ATG7: variants seen among roughly 807,000 people sequenced by gnomAD.
The protein encoded by ATG7 is ubiquitin-like modifier-activating enzyme ATG7.
Under a neutral mutation model 82.4 loss-of-function variants are expected in ATG7, and 70 were observed. The ratio of observed to expected loss-of-function variants is 0.85; its 90% CI spans 0.70 to 1.04. The LOEUF is 1.04. ATG7 is among the 50% of genes least tolerant of loss of function. The pLI, the probability that ATG7 is intolerant of heterozygous loss-of-function variation, is 0.00. For synonymous variants in ATG7, 287 were observed against 313.0 expected (o/e 0.92, Z 0.88); for missense variants, 792 against 864.3 (o/e 0.92, Z 1.05).
rs550495948 is a variant in ATG7 at position 11,450,064 on chromosome 3, A to C, written c.2079+23138A>C. On this transcript the variant is annotated intron_variant, in intron 20 of 20. Coordinates refer to ENST00000693202, the MANE Select transcript of ATG7 (RefSeq NM_001349232.2). Reference sequence around the variant, plus strand: ...TGGTCTGTTTCTTCTTTGGATAATAATGATGTAATGGCTAGTCTCTTGAGA... The same window carrying C: ...TGGTCTGTTTCTTCTTTGGATAATACTGATGTAATGGCTAGTCTCTTGAGA... 2.0e-5 allele frequency among the ~76,000 whole-genome samples: 3 copies of C among 152,330 alleles called. No individual in the cohort carries two copies. In the East Asian group the frequency reaches 5.8e-4, roughly 29 times the overall value.
chr3:11,524,541 T>G (rs1481316840), intron 20 of ATG7, among the ~76,000 whole-genome samples: 3 of 152,166 alleles, frequency 2.0e-5, no homozygotes, highest in African/African-American at 7.2e-5. Context: ...GGAGGATCAC[T>G]TGAGCCCAGG....
At chr3:11,412,216 G>A (rs1485990032) in intron 19 of ATG7, among the ~76,000 whole-genome samples, 1 of 150,504 alleles carries the variant, frequency 6.6e-6, no homozygotes, top group Non-Finnish European at 1.5e-5. Flanking sequence ...AGAGGGGTAA[G>A]GAAGCATCTG....
At chr3:11,283,274 T>G (rs537661369) in intron 3 of ATG7, among the ~76,000 whole-genome samples, 1 of 152,286 alleles carries the variant, frequency 6.6e-6, no homozygotes, top group East Asian at 1.9e-4. Flanking sequence ...GAGGAAATTT[T>G]CATAGTGAGC....
intron 19 of ATG7, among the ~76,000 whole-genome samples, chr3:11,395,310 G>T (rs1161084390): frequency 1.3e-5 from 2 of 152,102 alleles, no homozygotes; most frequent in Non-Finnish European, 2.9e-5. Context: ...AGAAATAATG[G>T]TTCTATAGCA....
At position 11,360,789 on chromosome 3, in the gene ATG7, G is replaced by A; in HGVS notation, c.1683+5G>A. 6.2e-7 allele frequency: 1 copy of A among 1,614,100 alleles called. No individual in the cohort carries two copies. Among genetic ancestry groups the A allele is most frequent in the African/African-American group, 1.3e-5 (1 of 75,074 alleles). On this transcript the variant is annotated splice_donor_5th_base_variant and intron_variant, in intron 16 of 20. Transcript: ENST00000693202. ...GATGTGGTGGCCCCAGGAGATGTAAGTGGATTTCTCTATAGTTCCAAATAT... is the reference window on the plus strand; with the variant it reads ...GATGTGGTGGCCCCAGGAGATGTAAATGGATTTCTCTATAGTTCCAAATAT...
chr3:11,456,467 A>G (rs984336884), intron 20 of ATG7, among the ~76,000 whole-genome samples: 2 of 152,208 alleles, frequency 1.3e-5, no homozygotes, highest in Admixed American at 6.5e-5. Flanking sequence ...TTGTTGTATG[A>G]AGTACACGTT....
intron 20 of ATG7, among the ~76,000 whole-genome samples, chr3:11,491,737 G>C (rs933703590): frequency 6.6e-6 from 1 of 152,222 alleles, no homozygotes; most frequent in Non-Finnish European, 1.5e-5. Context: ...TAGAGGTCCA[G>C]TCCAGACCCT....
At chr3:11,543,318 AG>A (rs1447240555) in intron 20 of ATG7, among the ~76,000 whole-genome samples, 2 of 152,202 alleles carry the variant, frequency 1.3e-5, no homozygotes, top group East Asian at 3.8e-4. Flanking sequence ...GACTGGCAGC[AG>A]GGGGCTGGGG....
chr3:11,508,231 G>A (rs1179573892), intron 20 of ATG7, among the ~76,000 whole-genome samples: 2 of 152,038 alleles, frequency 1.3e-5, no homozygotes, highest in Non-Finnish European at 1.5e-5. Flanking sequence ...GGCACACAGT[G>A]TCTAAGGTGG....
chr3:11,472,479 C>T (rs1399840389), intron 20 of ATG7, among the ~76,000 whole-genome samples: 1 of 152,142 alleles, frequency 6.6e-6, no homozygotes, highest in Non-Finnish European at 1.5e-5. Context: ...GGGATATATT[C>T]TTATCTCTAG....
At chr3:11,511,783 C>A (rs2092074502) in intron 20 of ATG7, among the ~76,000 whole-genome samples, 1 of 152,158 alleles carries the variant, frequency 6.6e-6, no homozygotes, top group Non-Finnish European at 1.5e-5. Context: ...GAGCACAGCA[C>A]CGGTGGGCTG....
At chr3:11,495,204 C>T (rs1156365394) in intron 20 of ATG7, among the ~76,000 whole-genome samples, 2 of 152,100 alleles carry the variant, frequency 1.3e-5, no homozygotes, top group Non-Finnish European at 2.9e-5. Flanking sequence ...GGCTTAGACT[C>T]CCCAGGGAAG....
intron 20 of ATG7, among the ~76,000 whole-genome samples, chr3:11,550,562 A>G (rs1575296022): frequency 6.6e-6 from 1 of 152,022 alleles, no homozygotes; most frequent in East Asian, 1.9e-4. Flanking sequence ...TGCCTGGCTC[A>G]TTTTTAAAAA....
intron 9 of ATG7, among the ~76,000 whole-genome samples, chr3:11,320,330 A>G (rs1950050709): frequency 6.6e-6 from 1 of 150,808 alleles, no homozygotes; most frequent in African/African-American, 2.4e-5. Flanking sequence ...TTTGTTGCCC[A>G]GGCTGGAGTA....
At chr3:11,316,055 G>A (rs893887078) in intron 9 of ATG7, among the ~76,000 whole-genome samples, 7 of 152,036 alleles carry the variant, frequency 4.6e-5, no homozygotes, top group Admixed American at 1.3e-4. Context: ...AGTTATTTCC[G>A]TTTTCCCTCC....
At position 11,298,816 on chromosome 3, in the gene ATG7, G is replaced by C; in HGVS notation, c.121G>C (p.Asp41His). 2 of 1,614,204 alleles carry C rather than the reference G, an allele frequency of 1.2e-6. No individual in the cohort carries two copies. The highest frequency in any genetic ancestry group is 2.7e-5 in the African/African-American group (2 of 75,054). The change falls in exon 4 of 21, where the codon GAT becomes CAT. Residue 41 changes from aspartate (D) to histidine (H), a missense_variant. By Grantham distance (81) the Asp-to-His change is moderately conservative. Transcript: ENST00000693202. ...GAAGAAGCTGAACGAGTATCGGCTG[G>C]ATGAAGCTCCCAAGGACATTAAGGG... ...TQKKLNEYRLDEAPKDIKGYY... is the reference protein window; with the variant it reads ...TQKKLNEYRLHEAPKDIKGYY...
intron 19 of ATG7, among the ~76,000 whole-genome samples, chr3:11,416,150 A>G (rs759825528): frequency 6.6e-6 from 1 of 152,136 alleles, no homozygotes; most frequent in Non-Finnish European, 1.5e-5. Flanking sequence ...TGTTCATGAG[A>G]TATATTGGTC....
At chr3:11,469,281 C>G (rs2153011031) in intron 20 of ATG7, among the ~76,000 whole-genome samples, 1 of 152,250 alleles carries the variant, frequency 6.6e-6, no homozygotes, top group East Asian at 1.9e-4. Flanking sequence ...GAAACCCCAT[C>G]TCTACTAAGA....
chr3:11,491,469 A>G (rs573498220), intron 20 of ATG7, among the ~76,000 whole-genome samples: 191 of 152,166 alleles, frequency 1.3e-3, no homozygotes, highest in African/African-American at 4.3e-3. Flanking sequence ...TCTTCTCTCA[A>G]CTCGTCAAAG....
Sources: gnomAD v4.1 joint callset for allele counts (sites outside exome capture counted in the v4.1 genomes callset) on GRCh38, gnomAD v4.1.1 for gene constraint, MANE v1.5 for transcripts, NCBI Gene and HGNC (gene_info 2026-07-23, HGNC 2026-07-21) for gene names.